The following ATP6V1A variants were observed in gnomAD, a reference collection of about 807,000 sequenced individuals.
ATP6V1A encodes ATPase H+ transporting V1 subunit A.
ATP6V1A carries 18 observed loss-of-function variants against 70.1 expected under a neutral mutation model. That is an observed-to-expected ratio of 0.26 (90% CI 0.18 to 0.38). The LOEUF (loss-of-function observed/expected upper bound fraction) is 0.38, where lower values mean the gene tolerates loss of function less well. Among genes scored for constraint, ATP6V1A ranks in the 10% least tolerant of loss-of-function variants. ATP6V1A has a pLI of 1.00. For synonymous variants in ATP6V1A, 232 were observed against 253.8 expected (o/e 0.91, Z 0.82); for missense variants, 424 against 772.4 (o/e 0.55, Z 5.35).
Position 113,769,976 on chromosome 3 carries a change from G to A in ATP6V1A, c.-13-8765G>A, listed in dbSNP as rs79807962. 8.3e-3 allele frequency among the ~76,000 whole-genome samples: 1,262 copies of A among 152,246 alleles called. 10 individuals carry two copies. The highest frequency in any genetic ancestry group is 0.017 in the South Asian group (81 of 4,826). On this transcript the variant is annotated intron_variant, in intron 1 of 14. Coordinates refer to ENST00000273398, the MANE Select transcript of ATP6V1A (RefSeq NM_001690.4). Reference sequence around the variant, plus strand: ...TCATTGATTTGATTTTTCTATGAGTGCATCTGTGTATACCACACTGCTTTC... The same window carrying A: ...TCATTGATTTGATTTTTCTATGAGTACATCTGTGTATACCACACTGCTTTC...
chr3:113,796,007 T>C, intron 11 of ATP6V1A, 68 bp downstream of exon 11: 2 of 1,287,230 alleles, frequency 1.6e-6, no homozygotes, highest in East Asian at 4.7e-5. Flanking sequence ...GCTGTTCTAA[T>C]GCGATCTAAT....
At chr3:113,791,394 GT>G (rs199753308) in intron 8 of ATP6V1A, among the ~76,000 whole-genome samples, 52,227 of 138,540 alleles carry the variant, frequency 0.38, 9,246 homozygotes, top group East Asian at 0.43. Context: ...CATTATTAGG[GT>G]TTTTTTTTTT....
intron 2 of ATP6V1A, among the ~76,000 whole-genome samples, chr3:113,779,501 T>G (rs1577087984): frequency 6.6e-6 from 1 of 152,236 alleles, no homozygotes; most frequent in African/African-American, 2.4e-5. Context: ...TGATGTATTA[T>G]CCTTAAAACC....
At chr3:113,800,093 A>C (rs967533753) in intron 12 of ATP6V1A, among the ~76,000 whole-genome samples, 1 of 152,050 alleles carries the variant, frequency 6.6e-6, no homozygotes, top group African/African-American at 2.4e-5. Flanking sequence ...TTAGCTGGGC[A>C]TGGTGGCGCA....
chr3:113,796,342 G>A (rs1039318765), intron 11 of ATP6V1A, among the ~76,000 whole-genome samples: 9 of 152,162 alleles, frequency 5.9e-5, no homozygotes, highest in Non-Finnish European at 1.0e-4. Flanking sequence ...TCTGAGTCCA[G>A]GATTCTTTCC....
chr3:113,805,038 T>C (rs1195938794), intron 13 of ATP6V1A, among the ~76,000 whole-genome samples: 1 of 152,220 alleles, frequency 6.6e-6, no homozygotes, highest in Admixed American at 6.5e-5. Flanking sequence ...CAGAGAGTCA[T>C]TAGATTATAG....
At chr3:113,797,940 C>T (rs1489333773) in intron 11 of ATP6V1A, among the ~76,000 whole-genome samples, 1 of 152,032 alleles carries the variant, frequency 6.6e-6, no homozygotes, top group Admixed American at 6.6e-5. Flanking sequence ...CGAGACAAGC[C>T]TAGCCAACAT....
At position 113,809,465 on chromosome 3, in the gene ATP6V1A, A is replaced by G. The variant is rs1375383436; in HGVS notation, c.*38A>G. 1.3e-6 allele frequency: 2 copies of G among 1,569,458 alleles called. No individual in the cohort carries two copies. Among genetic ancestry groups the G allele is most frequent in the African/African-American group, 2.7e-5 (2 of 73,738 alleles). ...TTACAACTGTGATTTCCTTTTCCTC[A>G]GCAAGCTCCTATGTGTATATTTTCC... On this transcript the variant is annotated 3_prime_UTR_variant, in exon 15 of 15. Transcript: ENST00000273398.
At chr3:113,798,735 C>G (rs1709179441) in intron 12 of ATP6V1A, among the ~76,000 whole-genome samples, 1 of 152,074 alleles carries the variant, frequency 6.6e-6, no homozygotes. Context: ...TGTAGGAATG[C>G]TAGGGCTAGG....
chr3:113,783,299 T>C (rs1235496846), intron 3 of ATP6V1A, among the ~76,000 whole-genome samples: 2 of 152,262 alleles, frequency 1.3e-5, no homozygotes, highest in African/African-American at 2.4e-5. Context: ...AGGTCACGAC[T>C]TACCCATTTT....
intron 1 of ATP6V1A, among the ~76,000 whole-genome samples, chr3:113,774,388 T>C (rs994822246): frequency 1.3e-5 from 2 of 152,206 alleles, no homozygotes; most frequent in Non-Finnish European, 2.9e-5. Context: ...AGGCATACTG[T>C]TAGATGCCTC....
intron 12 of ATP6V1A, 100 bp downstream of exon 12, chr3:113,798,546 A>G (rs1205145496): frequency 3.2e-6 from 3 of 949,184 alleles, no homozygotes; most frequent in Admixed American, 3.4e-5. Flanking sequence ...GCCTAGCAAA[A>G]TAAATATTTA....
chr3:113,789,337 C>T (rs1303859789), intron 7 of ATP6V1A, among the ~76,000 whole-genome samples: 2 of 152,100 alleles, frequency 1.3e-5, no homozygotes, highest in Admixed American at 6.5e-5. Flanking sequence ...CATGAGCCAC[C>T]GTGCCTGGCC....
At chr3:113,799,579 T>G (rs1436691350) in intron 12 of ATP6V1A, among the ~76,000 whole-genome samples, 3 of 152,106 alleles carry the variant, frequency 2.0e-5, no homozygotes, top group East Asian at 1.9e-4. Context: ...ACCAATGATG[T>G]AAGAAGAGAA....
chr3:113,759,549 C>T (rs992153170), intron 1 of ATP6V1A, among the ~76,000 whole-genome samples: 2 of 151,386 alleles, frequency 1.3e-5, no homozygotes, highest in African/African-American at 2.4e-5. Flanking sequence ...AACAAATTGA[C>T]CATTAAAATT....
chr3:113,785,809 C>T (rs1439925558), intron 5 of ATP6V1A, among the ~76,000 whole-genome samples: 3 of 150,678 alleles, frequency 2.0e-5, no homozygotes, highest in Non-Finnish European at 3.0e-5. Context: ...GCTGGGATTA[C>T]AGGCCTTTAC....
intron 6 of ATP6V1A, among the ~76,000 whole-genome samples, chr3:113,787,965 G>C (rs34664478): frequency 0.023 from 3,461 of 152,308 alleles, 68 homozygotes; most frequent in Non-Finnish European, 0.036. Flanking sequence ...CTGTGACCCA[G>C]GCTGGAATGC....
intron 1 of ATP6V1A, among the ~76,000 whole-genome samples, chr3:113,768,630 C>T (rs1708800981): frequency 1.5e-5 from 2 of 134,290 alleles, no homozygotes; most frequent in South Asian, 4.8e-4. Context: ...GAGTCTCACT[C>T]TGTTGCCCAG....
chr3:113,803,926 G>A (rs1274012841), intron 13 of ATP6V1A, among the ~76,000 whole-genome samples: 1 of 152,098 alleles, frequency 6.6e-6, no homozygotes, highest in Non-Finnish European at 1.5e-5. Context: ...GTGGCTTAGT[G>A]CAGAGCCTGG....
Sources: allele counts gnomAD v4.1 joint callset (sites outside exome capture counted in the v4.1 genomes callset), GRCh38; gene constraint gnomAD v4.1.1; transcripts MANE v1.5; gene names NCBI Gene and HGNC (gene_info 2026-07-23, HGNC 2026-07-21).